Variants in GNA12 observed in about 807,000 individuals in gnomAD.
The protein encoded by GNA12 is guanine nucleotide-binding protein subunit alpha-12.
A neutral mutation model predicts 26.0 loss-of-function variants in GNA12; 9 were observed. That is an observed-to-expected ratio of 0.35 (90% confidence interval 0.21 to 0.60). The LOEUF (loss-of-function observed/expected upper bound fraction) is 0.60, where lower values mean the gene tolerates loss of function less well. GNA12 is among the 20% of genes least tolerant of loss of function. GNA12 has a pLI of 0.78. For missense variants in GNA12, 405 were observed against 525.8 expected (o/e 0.77, Z 2.25); for synonymous variants, 264 against 219.6 (o/e 1.20, Z -1.79).
intron 1 of GNA12, among the ~76,000 whole-genome samples, chr7:2,836,602 C>A (rs955979003): frequency 2.0e-5 from 3 of 152,156 alleles, no homozygotes; most frequent in African/African-American, 7.2e-5. Flanking sequence ...AACAGCAGAC[C>A]TTTTTGGCAA....
At chr7:2,764,701 G>A (rs1185887219) in intron 2 of GNA12, 4 of 152,224 alleles carry the variant, frequency 2.6e-5, no homozygotes, top group African/African-American at 9.7e-5. Flanking sequence ...TTATTTCTCT[G>A]TAAACTGTAG....
At chr7:2,764,449 T>C (rs1791718027) in intron 2 of GNA12, among the ~76,000 whole-genome samples, 1 of 152,112 alleles carries the variant, frequency 6.6e-6, no homozygotes, top group African/African-American at 2.4e-5. Flanking sequence ...TGAGATTCCG[T>C]ATGAAGTCTA....
intron 1 of GNA12, among the ~76,000 whole-genome samples, chr7:2,822,545 A>G (rs1793391668): frequency 6.6e-6 from 1 of 152,206 alleles, no homozygotes; most frequent in African/African-American, 2.4e-5. Context: ...AGAGCGTGAG[A>G]TCAGCCTCAA....
chr7:2,825,766 A>G (rs897208434), intron 1 of GNA12, among the ~76,000 whole-genome samples: 7 of 152,138 alleles, frequency 4.6e-5, no homozygotes, highest in African/African-American at 1.4e-4. Context: ...AGCCAGGGAA[A>G]CGGCTGTGGT....
intron 2 of GNA12, among the ~76,000 whole-genome samples, chr7:2,742,780 C>A (rs1420821251): frequency 6.6e-6 from 1 of 152,204 alleles, no homozygotes; most frequent in South Asian, 2.1e-4. Flanking sequence ...GGTATGTAAT[C>A]TTTTATGGTG....
At chr7:2,786,401 G>C (rs1792362512) in intron 2 of GNA12, among the ~76,000 whole-genome samples, 1 of 152,072 alleles carries the variant, frequency 6.6e-6, no homozygotes, top group South Asian at 2.1e-4. Context: ...TATTCCCAAA[G>C]AAAAATAAAG....
intron 2 of GNA12, among the ~76,000 whole-genome samples, chr7:2,768,842 T>C (rs1375633753): frequency 2.6e-5 from 4 of 152,250 alleles, no homozygotes; most frequent in Non-Finnish European, 5.9e-5. Flanking sequence ...TACACTTTAA[T>C]GATTTGTTTG....
At chr7:2,738,422 A>G (rs1790322822) in intron 2 of GNA12, among the ~76,000 whole-genome samples, 1 of 152,214 alleles carries the variant, frequency 6.6e-6, no homozygotes, top group Non-Finnish European at 1.5e-5. Flanking sequence ...GGGGCTACGC[A>G]CCGGCGAAGG....
At chr7:2,798,852 C>G (rs1792740656) in intron 1 of GNA12, among the ~76,000 whole-genome samples, 1 of 151,290 alleles carries the variant, frequency 6.6e-6, no homozygotes, top group African/African-American at 2.4e-5. Context: ...CCTGATACAG[C>G]TAGGTAATTT....
chr7:2,751,928 G>T (rs748885557), intron 2 of GNA12, among the ~76,000 whole-genome samples: 1 of 152,238 alleles, frequency 6.6e-6, no homozygotes, highest in Non-Finnish European at 1.5e-5. Flanking sequence ...AACACGTAAA[G>T]AAGAAATAAC....
chr7:2,815,487 C>T (rs1393412971), intron 1 of GNA12, among the ~76,000 whole-genome samples: 1 of 152,204 alleles, frequency 6.6e-6, no homozygotes, highest in East Asian at 1.9e-4. Context: ...GCGGCCCAGG[C>T]TCCACACTGC....
chr7:2,758,304 C>A (rs911454310), intron 2 of GNA12, among the ~76,000 whole-genome samples: 3 of 152,190 alleles, frequency 2.0e-5, no homozygotes, highest in Admixed American at 2.0e-4. Context: ...GCTCTGCAAA[C>A]ACTTATCTCA....
At chr7:2,813,708 G>A (rs977650018) in intron 1 of GNA12, among the ~76,000 whole-genome samples, 3 of 152,230 alleles carry the variant, frequency 2.0e-5, no homozygotes, top group African/African-American at 7.2e-5. Context: ...CAGCGTATTC[G>A]TTAGGAGATC....
chr7:2,758,302 A>C (rs1380017327), intron 2 of GNA12, among the ~76,000 whole-genome samples: 5 of 152,214 alleles, frequency 3.3e-5, no homozygotes, highest in African/African-American at 1.2e-4. Context: ...AGGCTCTGCA[A>C]ACACTTATCT....
chr7:2,730,886 C>A lies in GNA12; in HGVS notation c.*295G>T. On this transcript the variant is annotated 3_prime_UTR_variant, in exon 4 of 4. Transcript: ENST00000275364. ...TTAAACTGCGTCAGAAAAAGAGGAACGTTTCTGTAAAAGCAAAGCAAGCTG... is the reference window on the plus strand; with the variant it reads ...TTAAACTGCGTCAGAAAAAGAGGAAAGTTTCTGTAAAAGCAAAGCAAGCTG... The A allele has an allele frequency of 2.8e-6, 1 of 360,636 alleles. No homozygotes were observed. The allele number at this position is 360,636 out of a possible 1,614,324, so 22.3% of individuals were successfully genotyped here. A position where few individuals can be genotyped will look rare whatever the true frequency, so the allele number is the denominator to read the frequency against.
At chr7:2,741,344 G>T (rs183524667) in intron 2 of GNA12, among the ~76,000 whole-genome samples, 3 of 152,288 alleles carry the variant, frequency 2.0e-5, no homozygotes, top group African/African-American at 7.2e-5. Flanking sequence ...AACAGAGTGA[G>T]ACACTGTCTC....
chr7:2,757,228 C>T (rs1015789855), intron 2 of GNA12, among the ~76,000 whole-genome samples: 4 of 149,140 alleles, frequency 2.7e-5, no homozygotes, highest in Non-Finnish European at 5.9e-5. Flanking sequence ...CTCTGCCTCC[C>T]GGGTTCACGC....
rs1779098242 is a variant in GNA12 at position 2,844,185 on chromosome 7, C to A, written c.-24G>T. On this transcript the variant is annotated 5_prime_UTR_variant, in exon 1 of 4. Transcript: ENST00000275364. ...ATGGCCCCTCAGGCCGCGGCCGCGC[C>A]CCGCCGGCGCCCGGGGGCCATGGAC... is the stretch of plus-strand genomic sequence containing the variant. The A allele has an allele frequency of 1.0e-6, 1 of 978,136 alleles. No homozygotes were observed. Among genetic ancestry groups the A allele is most frequent in the South Asian group, 4.5e-5 (1 of 22,076 alleles). The allele number at this position is 978,136 out of a possible 1,614,324, so 60.6% of individuals were successfully genotyped here.
At chr7:2,827,128 G>T (rs1043200712) in intron 1 of GNA12, among the ~76,000 whole-genome samples, 1 of 152,170 alleles carries the variant, frequency 6.6e-6, no homozygotes, top group Non-Finnish European at 1.5e-5. Context: ...AAGGAAGCCA[G>T]ACACAAAAGG....
Sources: allele counts gnomAD v4.1 joint callset (sites outside exome capture counted in the v4.1 genomes callset), GRCh38; gene constraint gnomAD v4.1.1; transcripts MANE v1.5; gene names NCBI Gene and HGNC (gene_info 2026-07-23, HGNC 2026-07-21).